GNAL: variants seen among roughly 807,000 people sequenced by gnomAD.
GNAL encodes G protein subunit alpha L.
GNAL carries 18 observed loss-of-function variants against 55.1 expected under a neutral mutation model. That is an observed-to-expected ratio of 0.33 (90% CI 0.23 to 0.48). The LOEUF is 0.48. Among genes scored for constraint, GNAL ranks in the 20% least tolerant of loss-of-function variants. The pLI is 0.99. For missense variants in GNAL, 412 were observed against 614.1 expected (o/e 0.67, Z 3.48); for synonymous variants, 253 against 237.0 (o/e 1.07, Z -0.62).
In GNAL at chr18:11,884,377, G is replaced by A; in HGVS notation, c.*3242G>A. 3 of 1,499,254 alleles carry A rather than the reference G, an allele frequency of 2.0e-6. No individual in the cohort carries two copies. Among genetic ancestry groups the A allele is most frequent in the Non-Finnish European group, 2.8e-6 (3 of 1,090,246 alleles). The allele number at this position is 1,499,254 out of a possible 1,614,324, so 92.9% of individuals were successfully genotyped here. On this transcript the variant is annotated 3_prime_UTR_variant, in exon 12 of 12. Coordinates refer to ENST00000334049, the MANE Select transcript of GNAL (RefSeq NM_182978.4). The stretch of plus-strand genomic sequence containing the variant: ...CTGTAATTGGTCTCATCATCCACTT[G>A]ATTCTAACATGATCTCTGCCCAAAG...
chr18:11,752,633 A>C lies in GNAL; in HGVS notation c.377-220A>C, dbSNP rs1163981329. The C allele has an allele frequency of 4.7e-6, 7 of 1,490,058 alleles. No homozygotes were observed. In the Admixed American group the frequency reaches 2.0e-4, roughly 43 times the overall value. 92.3% of individuals were successfully genotyped at this position (1,490,058 alleles called of 1,614,324 possible). ...GGCCCCAGCGGAGCGCACAGCCAGGAGCGGCGAGCGCCAGGCTGGGCGGGC... is the reference window on the plus strand; with the variant it reads ...GGCCCCAGCGGAGCGCACAGCCAGGCGCGGCGAGCGCCAGGCTGGGCGGGC... On this transcript the variant is annotated intron_variant, in intron 1 of 11. Transcript: ENST00000334049. The surrounding 1 kb of genome is among the most constrained non-coding windows in gnomAD (Gnocchi z 4.5).
intron 5 of GNAL, among the ~76,000 whole-genome samples, chr18:11,836,213 G>A (rs571433190): frequency 5.5e-4 from 83 of 152,090 alleles, no homozygotes; most frequent in Admixed American, 5.2e-4. Context: ...TTGGGAGGCC[G>A]AGGTGGGCGG....
At chr18:11,692,834 G>A (rs911706962) in intron 1 of GNAL, among the ~76,000 whole-genome samples, 6 of 144,442 alleles carry the variant, frequency 4.2e-5, no homozygotes, top group African/African-American at 1.6e-4. Context: ...AAAGAATAGA[G>A]ACAAGTCTCA....
At chr18:11,848,024 T>C (rs1034520993) in intron 5 of GNAL, among the ~76,000 whole-genome samples, 19 of 152,122 alleles carry the variant, frequency 1.2e-4, no homozygotes, top group African/African-American at 3.4e-4. Context: ...GTGCCAGTAG[T>C]AAATGGGAAT....
rs1555650621 is a variant in GNAL at position 11,788,906 on chromosome 18, A to AT, written c.624+34961_624+34962insT. Among the ~76,000 whole-genome samples, 35 of 23,576 alleles carry AT rather than the reference A, an allele frequency of 1.5e-3. 1 individual carries two copies. The highest frequency in any genetic ancestry group is 9.0e-3 in the East Asian group (7 of 780). 15.5% of individuals were successfully genotyped at this position (23,576 alleles called of 152,430 possible). A position where few individuals can be genotyped will look rare whatever the true frequency, so the allele number is the denominator to read the frequency against. ...AGCAAGACTCCGTCTCGAAAAAAAAAAAAAAAAAATATATATATATATATA... is the reference window on the plus strand; with the variant it reads ...AGCAAGACTCCGTCTCGAAAAAAAAATAAAAAAAAATATATATATATATATA... On this transcript the variant is annotated intron_variant, in intron 4 of 11. Coordinates refer to ENST00000334049, the MANE Select transcript of GNAL (RefSeq NM_182978.4).
chr18:11,869,243 A>G (rs1169773271), intron 9 of GNAL, among the ~76,000 whole-genome samples: 2 of 151,870 alleles, frequency 1.3e-5, no homozygotes, highest in African/African-American at 2.4e-5. Context: ...TCCCGGGTTC[A>G]TGCCATTCTC....
At chr18:11,706,093 TTTTTG>T (rs1007079538) in intron 1 of GNAL, among the ~76,000 whole-genome samples, 6 of 152,132 alleles carry the variant, frequency 3.9e-5, no homozygotes, top group African/African-American at 1.4e-4. Context: ...TATTTGCTAT[TTTTTG>T]TTTTGTTTTG....
intron 11 of GNAL, among the ~76,000 whole-genome samples, chr18:11,880,215 C>T (rs905641018): frequency 1.3e-5 from 2 of 151,136 alleles, no homozygotes; most frequent in African/African-American, 4.8e-5. Context: ...CGAGATGGCA[C>T]CACTGCACTC....
At chr18:11,716,066 T>C (rs2031956795) in intron 1 of GNAL, among the ~76,000 whole-genome samples, 1 of 152,162 alleles carries the variant, frequency 6.6e-6, no homozygotes, top group African/African-American at 2.4e-5. Context: ...TGTAAATTAG[T>C]TTAACCATTG....
chr18:11,763,820 A>G (rs2033319963), intron 4 of GNAL, among the ~76,000 whole-genome samples: 1 of 152,068 alleles, frequency 6.6e-6, no homozygotes, highest in Non-Finnish European at 1.5e-5. Flanking sequence ...TTTAACTTCC[A>G]TTTCTCTCTA....
chr18:11,737,652 G>A (rs1206184409), intron 1 of GNAL, among the ~76,000 whole-genome samples: 1 of 152,198 alleles, frequency 6.6e-6, no homozygotes, highest in East Asian at 1.9e-4. Context: ...ACCCCACATA[G>A]CAGTGCAGGT....
chr18:11,875,982 G>T (rs966361592), intron 10 of GNAL, among the ~76,000 whole-genome samples: 1 of 152,262 alleles, frequency 6.6e-6, no homozygotes, highest in Admixed American at 6.5e-5. Context: ...CCTCTTACAA[G>T]GATATAATCC....
At chr18:11,789,508 T>G (rs1307347308) in intron 4 of GNAL, among the ~76,000 whole-genome samples, 5 of 152,222 alleles carry the variant, frequency 3.3e-5, no homozygotes. Flanking sequence ...TAACTCCATG[T>G]GCATATAACT....
At chr18:11,862,287 C>A (rs572752973) in intron 5 of GNAL, 108 bp from the exon 6 acceptor site, 1 of 756,640 alleles carries the variant, frequency 1.3e-6, no homozygotes, top group Non-Finnish European at 2.3e-6. Flanking sequence ...AGCTTCTTGG[C>A]CTGCCCCCAT....
At chr18:11,828,135 G>A (rs1396120313) in intron 5 of GNAL, among the ~76,000 whole-genome samples, 1 of 152,242 alleles carries the variant, frequency 6.6e-6, no homozygotes, top group Non-Finnish European at 1.5e-5. Context: ...GAACTCCAAT[G>A]CAGTCTGAGC....
intron 4 of GNAL, among the ~76,000 whole-genome samples, chr18:11,768,816 C>T (rs528012531): frequency 1.4e-5 from 2 of 147,518 alleles, no homozygotes; most frequent in Non-Finnish European, 3.0e-5. Flanking sequence ...ATGGTGTGAA[C>T]CCGGGAGGCG....
chr18:11,707,952 GAA>G (rs369638464), intron 1 of GNAL, among the ~76,000 whole-genome samples: 1 of 152,300 alleles, frequency 6.6e-6, no homozygotes, highest in African/African-American at 2.4e-5. Context: ...TCCTAGAATT[GAA>G]AAGTTAGGGC....
intron 4 of GNAL, among the ~76,000 whole-genome samples, chr18:11,787,617 G>A (rs1385136862): frequency 6.6e-6 from 1 of 152,212 alleles, no homozygotes; most frequent in Non-Finnish European, 1.5e-5. Context: ...CCACGCCTGT[G>A]TAATCCTAGC....
In GNAL at chr18:11,845,467, C is replaced by G. The variant is rs111389166; in HGVS notation, c.723-16928C>G. Among the ~76,000 whole-genome samples the G allele has an allele frequency of 3.6e-4, 54 of 152,078 alleles. 1 individual carries two copies. Among genetic ancestry groups the G allele is most frequent in the African/African-American group, 1.2e-3 (50 of 41,488 alleles). On this transcript the variant is annotated intron_variant, in intron 5 of 11. Coordinates refer to ENST00000334049, the MANE Select transcript of GNAL (RefSeq NM_182978.4). Reference sequence around the variant, plus strand: ...AAAAAAAGTAGCATAATAAAGACTGCTAACAAATAATAAGAACACAGATTG... The same window carrying G: ...AAAAAAAGTAGCATAATAAAGACTGGTAACAAATAATAAGAACACAGATTG...
Sources: gnomAD v4.1 joint callset for allele counts (sites outside exome capture counted in the v4.1 genomes callset) on GRCh38, gnomAD v4.1.1 for gene constraint, Gnocchi (gnomAD v3.1) non-coding constraint, MANE v1.5 for transcripts, NCBI Gene and HGNC (gene_info 2026-07-23, HGNC 2026-07-21) for gene names.